The following ANKRD36 variants were observed in gnomAD, a reference collection of about 807,000 sequenced individuals.
ANKRD36 encodes ankyrin repeat domain 36.
In ANKRD36, 179 loss-of-function variants were observed where a neutral mutation model predicts 278.1. That is an observed-to-expected ratio of 0.64 (90% CI 0.57 to 0.73). ANKRD36 has a LOEUF of 0.73. Ranked by LOEUF, ANKRD36 falls within the 30% of genes least tolerant of loss-of-function variation. ANKRD36 has a pLI of 0.00. For synonymous variants in ANKRD36, 320 were observed against 641.1 expected, an observed-to-expected ratio of 0.50 and a Z score of 7.57; for missense variants, 1,159 against 1,956.7, an observed-to-expected ratio of 0.59 and a Z score of 7.69.
intron 4 of ANKRD36, among the ~76,000 whole-genome samples, chr2:97,123,820 A>T (rs2037681746): frequency 7.2e-6 from 1 of 138,744 alleles, no homozygotes; most frequent in Non-Finnish European, 1.5e-5. Context: ...AATACACTAT[A>T]TATTATATAT....
At chr2:97,160,653 A>G (rs1016910438) in intron 17 of ANKRD36, among the ~76,000 whole-genome samples, 17 of 152,218 alleles carry the variant, frequency 1.1e-4, no homozygotes, top group Admixed American at 3.9e-4. Flanking sequence ...TCTTTATGGC[A>G]TAAGTAGGCA....
At chr2:97,171,203 A>G (rs2052377966) in intron 22 of ANKRD36, among the ~76,000 whole-genome samples, 1 of 132,926 alleles carries the variant, frequency 7.5e-6, no homozygotes, top group African/African-American at 2.8e-5. Context: ...ATTACTGGGT[A>G]TATACCCAAA....
At position 97,211,741 on chromosome 2, in the gene ANKRD36, G is replaced by T; in HGVS notation, c.3469G>T (p.Val1157Leu). The change falls in exon 58 of 76, where the codon GTG (valine) becomes TTG (leucine). Residue 1157 changes from valine to leucine, a missense_variant and splice_region_variant. By Grantham distance (32) the Val-to-Leu change is conservative. Coordinates refer to ENST00000420699, the MANE Select transcript of ANKRD36 (RefSeq NM_001354587.1). ...EKKDEQISGT[V>L]SCQKQPALKA... ...AAAGGATGAACAAATATCTGGGACA[G>T]GTAATTTTGCAAACACATTTAATAT... 6.4e-7 allele frequency: 1 copy of T among 1,567,764 alleles called. No homozygotes were observed. The highest frequency in any genetic ancestry group is 8.6e-7 in the Non-Finnish European group (1 of 1,156,342).
intron 1 of ANKRD36, among the ~76,000 whole-genome samples, chr2:97,116,270 G>T (rs4063406): frequency 0.6 from 90,571 of 151,838 alleles, 31,099 homozygotes; most frequent in Non-Finnish European, 0.79. Context: ...TATTATTTAT[G>T]TCTTTGTTTG....
rs56047402 is a variant in ANKRD36 at position 97,195,735 on chromosome 2, A to T, written c.2551+818A>T. On this transcript the variant is annotated intron_variant, in intron 40 of 75. Transcript: ENST00000420699. The stretch of plus-strand genomic sequence containing the variant: ...CTTTAGAAAATAACATGATACTGCC[A>T]ACAAGGGTATTCTAGAAACAAAAAT... Among the ~76,000 whole-genome samples the T allele has an allele frequency of 1.6e-4, 24 of 151,856 alleles. 1 individual carries two copies. In the East Asian group the frequency reaches 2.0e-3, roughly 12 times the overall value.
intron 9 of ANKRD36, 37 bp downstream of exon 9, chr2:97,144,583 G>T (rs1275122961): frequency 6.4e-7 from 1 of 1,570,764 alleles, no homozygotes; most frequent in African/African-American, 1.4e-5. Flanking sequence ...ATAATTAACT[G>T]TATAGTCTAT....
At chr2:97,206,255 T>G in intron 52 of ANKRD36, 120 bp downstream of exon 52, 5 of 1,180,458 alleles carry the variant, frequency 4.2e-6, no homozygotes, top group Non-Finnish European at 5.8e-6. Context: ...AGGCCGGAGA[T>G]TCTTCATTTG....
At chr2:97,213,282 G>A (rs1275262946) in intron 58 of ANKRD36, 137 bp from the exon 59 acceptor site, 5 of 274,540 alleles carry the variant, frequency 1.8e-5, no homozygotes, top group South Asian at 4.6e-5. Flanking sequence ...TTCCAGTCCC[G>A]AGTCACAAAG....
chr2:97,165,054 T>C (rs2050257832), intron 20 of ANKRD36, among the ~76,000 whole-genome samples: 1 of 152,184 alleles, frequency 6.6e-6, no homozygotes, highest in South Asian at 2.1e-4. Context: ...CTTAGAATAT[T>C]TTCTTCTACT....
intron 36 of ANKRD36, among the ~76,000 whole-genome samples, chr2:97,191,953 A>G (rs2058609507): frequency 6.6e-6 from 1 of 151,840 alleles, no homozygotes. Flanking sequence ...CCTCTTGGAT[A>G]AAATAGCTAT....
chr2:97,197,941 C>G (rs1376305460), intron 42 of ANKRD36, among the ~76,000 whole-genome samples: 1 of 151,932 alleles, frequency 6.6e-6, no homozygotes, highest in South Asian at 2.1e-4. Flanking sequence ...CCAAGGTGAT[C>G]AATTTAGGAC....
chr2:97,139,428 G>A (rs2042319582), intron 6 of ANKRD36, among the ~76,000 whole-genome samples: 1 of 151,962 alleles, frequency 6.6e-6, no homozygotes, highest in Non-Finnish European at 1.5e-5. Context: ...TTCAGACAGT[G>A]CACAAAATGA....
rs201499984 is a variant in ANKRD36, at chr2:97,154,680, T to C, written c.1199T>C (p.Leu400Pro). Residue 400 changes from leucine to proline, a missense_variant, in exon 15 of 76, where the codon CTC (leucine) becomes CCC (proline). Coordinates refer to ENST00000420699, the MANE Select transcript of ANKRD36 (RefSeq NM_001354587.1). ...AATATCTTTTTGCTCTGTAGGTGTC[T>C]CTACCTACTGGACCGTTTTGCACAG... is the stretch of plus-strand genomic sequence containing the variant. ...PPVEEAVDRC[L>P]YLLDRFAQPV... 3 of 1,424,112 alleles carry C rather than the reference T, an allele frequency of 2.1e-6. No homozygotes were observed. In the South Asian group the frequency reaches 3.7e-5, roughly 18 times the overall value. 88.2% of individuals were successfully genotyped at this position (1,424,112 alleles called of 1,614,324 possible).
chr2:97,194,987 G>C, intron 40 of ANKRD36, 70 bp downstream of exon 40: 1 of 1,521,742 alleles, frequency 6.6e-7, no homozygotes, highest in Non-Finnish European at 8.8e-7. Flanking sequence ...GAATAAATCA[G>C]TGGGGGGCTG....
rs192652081 is a variant in ANKRD36 at position 97,204,495 on chromosome 2, A to G, written c.3061+232A>G. On this transcript the variant is annotated intron_variant, in intron 50 of 75. Transcript: ENST00000420699. Reference sequence around the variant, plus strand: ...TTGAAATTGGGAAGAAGAAATATGGAGAGCAGTTCAAGGCATAAGGGGCTC... The same window carrying G: ...TTGAAATTGGGAAGAAGAAATATGGGGAGCAGTTCAAGGCATAAGGGGCTC... Among the ~76,000 whole-genome samples, 561 of 151,584 alleles carry G rather than the reference A, an allele frequency of 3.7e-3. 2 individuals are homozygous for G. In the East Asian group the frequency reaches 0.057, roughly 15 times the overall value.
At position 97,158,637 on chromosome 2, in the gene ANKRD36, A is replaced by G; in HGVS notation, c.1371A>G (p.Glu457=). ...IDKTENGNMF[E]DQNVDKEGKA... ...AAACAGAAAATGGAAACATGTTTGAAGACCAAAATGTTGATAAGGTAAATG... is the reference window on the plus strand; with the variant it reads ...AAACAGAAAATGGAAACATGTTTGAGGACCAAAATGTTGATAAGGTAAATG... The change falls in exon 17 of 76, where the codon GAA becomes GAG. Residue 457 remains glutamate, a synonymous_variant. Coordinates refer to ENST00000420699, the MANE Select transcript of ANKRD36 (RefSeq NM_001354587.1). The G allele has an allele frequency of 6.5e-7, 1 of 1,536,552 alleles. No individual in the cohort carries two copies. The highest frequency in any genetic ancestry group is 8.7e-7 in the Non-Finnish European group (1 of 1,146,718).
chr2:97,261,348 G>A (rs1246487349), intron 75 of ANKRD36, among the ~76,000 whole-genome samples: 2 of 130,868 alleles, frequency 1.5e-5, no homozygotes, highest in African/African-American at 6.5e-5. Flanking sequence ...CTTATGTCGG[G>A]TTCAACCCAG....
Position 97,198,603 on chromosome 2 carries a change from AG to A in ANKRD36, c.2701del (p.Asp901IlefsTer4). 3.2e-6 allele frequency: 5 copies of A among 1,546,036 alleles called. No individual in the cohort carries two copies. Among genetic ancestry groups the A allele is most frequent in the Non-Finnish European group, 4.4e-6 (5 of 1,144,158 alleles). The part of the protein sequence containing the change: ...PGLKASSAEK[D>X]SVLNIARGKK... ...CCATTCAGGCTTCAAGTGCCGAGAA[AG>A]ATTCTGTTTTGAATATAGCCAGAGG... On this transcript the variant is annotated frameshift_variant, in exon 44 of 76. Coordinates refer to ENST00000420699, the MANE Select transcript of ANKRD36 (RefSeq NM_001354587.1). LOFTEE classifies it high-confidence loss of function.
chr2:97,194,129 G>T (rs1253314397), intron 38 of ANKRD36, among the ~76,000 whole-genome samples: 2 of 151,574 alleles, frequency 1.3e-5, no homozygotes, highest in Non-Finnish European at 2.9e-5. Context: ...TTAGGCAAAT[G>T]ATTACACTAC....
Sources: gnomAD v4.1 joint callset for allele counts (sites outside exome capture counted in the v4.1 genomes callset) on GRCh38, gnomAD v4.1.1 for gene constraint, MANE v1.5 for transcripts, NCBI Gene and HGNC (gene_info 2026-07-23, HGNC 2026-07-21) for gene names.